The following IL33 variants were observed in gnomAD, a reference collection of about 807,000 sequenced individuals.
The protein encoded by IL33 is interleukin 33.
Under a neutral mutation model 27.3 loss-of-function variants are expected in IL33, and 37 were observed. The observed-to-expected ratio is 1.36, with a 90% confidence interval of 1.04 to 1.78. The LOEUF is 1.78. Among genes scored for constraint, IL33 ranks in the 40% most tolerant of loss-of-function variants. The probability of loss-of-function intolerance (pLI) is 0.00; values close to 1 mark genes in which losing one functional copy is unlikely to be tolerated. For synonymous variants in IL33, 132 were observed against 102.9 expected, an observed-to-expected ratio of 1.28 and a Z score of -1.71; for missense variants, 406 against 311.4, an observed-to-expected ratio of 1.30 and a Z score of -2.29.
chr9:6,241,737 G>A lies in IL33; in HGVS notation c.43G>A (p.Ala15Thr), dbSNP rs865842230. ...GTATTCAACCAACAAAATTTCCACA[G>A]CAAAGTGGAAGAACACAGCAAGCAA... ...MKYSTNKIST[A>T]KWKNTASKAL... is the part of the protein sequence containing the mutation. The change falls in exon 2 of 8, where the codon GCA becomes ACA. Residue 15 changes from alanine to threonine, a missense_variant. Coordinates refer to ENST00000682010, the MANE Select transcript of IL33 (RefSeq NM_033439.4). 4.3e-6 allele frequency: 7 copies of A among 1,611,560 alleles called. No homozygotes were observed. Among genetic ancestry groups the A allele is most frequent in the African/African-American group, 4.0e-5 (3 of 74,950 alleles).
intron 2 of IL33, among the ~76,000 whole-genome samples, chr9:6,247,305 C>T (rs1411938680): frequency 6.6e-6 from 1 of 152,120 alleles, no homozygotes; most frequent in African/African-American, 2.4e-5. Flanking sequence ...GGTGACATGG[C>T]ATAAGGAAAG....
chr9:6,230,496 G>C (rs983900549), intron 1 of IL33, among the ~76,000 whole-genome samples: 52 of 152,082 alleles, frequency 3.4e-4, no homozygotes, highest in Non-Finnish European at 1.3e-4. Context: ...CCTTAAGAAA[G>C]AAGTGAAACT....
intron 1 of IL33, among the ~76,000 whole-genome samples, chr9:6,239,781 C>G (rs1413028534): frequency 1.3e-5 from 2 of 152,098 alleles, no homozygotes; most frequent in African/African-American, 4.8e-5. Flanking sequence ...TGACTAGACC[C>G]CTCCCTATTC....
At chr9:6,235,595 A>C (rs1218408241) in intron 1 of IL33, among the ~76,000 whole-genome samples, 1 of 152,200 alleles carries the variant, frequency 6.6e-6, no homozygotes, top group African/African-American at 2.4e-5. Flanking sequence ...TAAATGACAC[A>C]GGGGAAAAAG....
At position 6,241,359 on chromosome 9, in the gene IL33, T is replaced by G. The variant is rs182706096; in HGVS notation, c.-11-325T>G. Among the ~76,000 whole-genome samples, 546 of 152,296 alleles carry G rather than the reference T, an allele frequency of 3.6e-3. 1 individual carries two copies. Among genetic ancestry groups the G allele is most frequent in the Non-Finnish European group, 5.4e-3 (365 of 68,014 alleles). ...GTGCAGTGGGTTGTTTACACCACCA[T>G]CACCACAAACACGCAAGTAATGAAT... On this transcript the variant is annotated intron_variant, in intron 1 of 7. Transcript: ENST00000682010.
intron 3 of IL33, 81 bp from the exon 4 acceptor site, chr9:6,251,059 A>C: frequency 1.3e-6 from 2 of 1,541,692 alleles, no homozygotes; most frequent in Non-Finnish European, 1.8e-6. Flanking sequence ...CTCAGCAAGC[A>C]GCCTTAACTG....
In IL33 at chr9:6,216,931, G is replaced by A. The variant is rs1022266278; in HGVS notation, c.-12+1079G>A. The stretch of plus-strand genomic sequence containing the variant: ...ACTGAAACCATGGCATGGCAGTGAA[G>A]AGTTTAATTGACACAGGGCCAGCCA... On this transcript the variant is annotated intron_variant, in intron 1 of 7. Transcript: ENST00000682010. Among the ~76,000 whole-genome samples, 145 of 152,152 alleles carry A rather than the reference G, an allele frequency of 9.5e-4. 15 individuals carry two copies.
chr9:6,237,057 G>A (rs1487532805), intron 1 of IL33, among the ~76,000 whole-genome samples: 1 of 152,106 alleles, frequency 6.6e-6, no homozygotes, highest in Non-Finnish European at 1.5e-5. Flanking sequence ...GTCTATATAA[G>A]TAGAACTGGG....
At chr9:6,223,815 C>T (rs931053457) in intron 1 of IL33, among the ~76,000 whole-genome samples, 2 of 152,146 alleles carry the variant, frequency 1.3e-5, no homozygotes, top group Non-Finnish European at 2.9e-5. Flanking sequence ...TCAGAAGTTT[C>T]GTCGGGCAGT....
chr9:6,245,653 C>T (rs187286029), intron 2 of IL33, among the ~76,000 whole-genome samples: 3 of 152,056 alleles, frequency 2.0e-5, no homozygotes, highest in South Asian at 2.1e-4. Flanking sequence ...ATAGAGAGGA[C>T]GGACTAGATT....
At chr9:6,227,852 G>T (rs142647141) in intron 1 of IL33, among the ~76,000 whole-genome samples, 1 of 152,184 alleles carries the variant, frequency 6.6e-6, no homozygotes, top group Admixed American at 6.5e-5. Context: ...AAACTTTCTA[G>T]GTAGGGGTTT....
intron 1 of IL33, among the ~76,000 whole-genome samples, chr9:6,230,386 G>A (rs1818869632): frequency 6.6e-6 from 1 of 152,154 alleles, no homozygotes; most frequent in Non-Finnish European, 1.5e-5. Context: ...GTGGTGGAGG[G>A]TAGGGGACAG....
chr9:6,245,521 G>A (rs1412060987), intron 2 of IL33, among the ~76,000 whole-genome samples: 1 of 152,224 alleles, frequency 6.6e-6, no homozygotes, highest in Non-Finnish European at 1.5e-5. Flanking sequence ...TCACATTGGT[G>A]AAGTGTGATG....
At chr9:6,246,586 G>C (rs1336179516) in intron 2 of IL33, among the ~76,000 whole-genome samples, 1 of 152,044 alleles carries the variant, frequency 6.6e-6, no homozygotes, top group African/African-American at 2.4e-5. Context: ...AAAAAAAAGA[G>C]AGGTGGGACC....
intron 1 of IL33, among the ~76,000 whole-genome samples, chr9:6,229,954 A>G (rs1818846713): frequency 1.3e-5 from 2 of 152,116 alleles, no homozygotes; most frequent in Admixed American, 1.3e-4. Context: ...AGACAAAGGG[A>G]TGAGGTAGCA....
At chr9:6,243,313 C>T (rs2130339795) in intron 2 of IL33, among the ~76,000 whole-genome samples, 1 of 152,252 alleles carries the variant, frequency 6.6e-6, no homozygotes, top group Non-Finnish European at 1.5e-5. Flanking sequence ...ACTCTTTGAT[C>T]CTTAAAATTA....
intron 1 of IL33, among the ~76,000 whole-genome samples, chr9:6,239,954 T>C (rs1364257802): frequency 6.6e-6 from 1 of 152,218 alleles, no homozygotes; most frequent in African/African-American, 2.4e-5. Flanking sequence ...TGACTCATAT[T>C]TAACATTCCA....
chr9:6,220,621 C>A (rs1818366754), intron 1 of IL33, among the ~76,000 whole-genome samples: 1 of 152,022 alleles, frequency 6.6e-6, no homozygotes, highest in Non-Finnish European at 1.5e-5. Flanking sequence ...CAAAGTTTTT[C>A]CTCCCTAAAT....
intron 1 of IL33, among the ~76,000 whole-genome samples, chr9:6,230,728 C>G (rs1194570008): frequency 1.3e-5 from 2 of 152,170 alleles, no homozygotes; most frequent in Non-Finnish European, 2.9e-5. Flanking sequence ...TATGTTCATT[C>G]ATCCCACTAT....
Sources: allele counts gnomAD v4.1 joint callset (sites outside exome capture counted in the v4.1 genomes callset), GRCh38; gene constraint gnomAD v4.1.1; transcripts MANE v1.5; gene names NCBI Gene and HGNC (gene_info 2026-07-23, HGNC 2026-07-21).